Variants in ARSF observed in about 807,000 individuals in gnomAD.
ARSF encodes arylsulfatase F.
A neutral mutation model predicts 35.4 loss-of-function variants in ARSF; 33 were observed. That is an observed-to-expected ratio of 0.93 (90% CI 0.71 to 1.25). ARSF has a LOEUF of 1.25. Among genes scored for constraint, ARSF ranks in the 50% most tolerant of loss-of-function variants. The pLI is 0.00. For synonymous variants in ARSF, 222 were observed against 193.1 expected (o/e 1.15, Z -1.24); for missense variants, 501 against 480.2 (o/e 1.04, Z -0.40).
At chrX:3,066,094 A>G (rs968440523) in intron 1 of ARSF, among the ~76,000 whole-genome samples, 3 of 111,517 alleles carry the variant, frequency 2.7e-5, no homozygotes, top group East Asian at 5.6e-4. Context: ...AGTCTCATAA[A>G]CAAAACAAAA....
rs377258737 is a variant in ARSF, at chrX:3,076,541, C to G, written c.162-7C>G. The G allele has an allele frequency of 1.1e-4, 126 of 1,195,600 alleles. No individual in the cohort carries two copies. The highest frequency in any genetic ancestry group is 1.3e-4 in the Non-Finnish European group (115 of 888,683). On this transcript the variant is annotated splice_polypyrimidine_tract_variant and splice_region_variant and intron_variant, in intron 3 of 10. Coordinates refer to ENST00000381127, the MANE Select transcript of ARSF (RefSeq NM_001201539.2). ...CTCTCCAATACACCTTCCCTCTCCC[C>G]CTTCAGGACGCCTCACATCGACCGC...
rs140827850 is a variant in ARSF, at chrX:3,054,796, C to A, written c.-29+13133C>A. Among the ~76,000 whole-genome samples the A allele has an allele frequency of 1.0e-2, 1,068 of 107,004 alleles. 18 individuals are homozygous for A. Among genetic ancestry groups the A allele is most frequent in the African/African-American group, 0.034 (1,003 of 29,364 alleles). The allele number at this position is 107,004 out of a possible 115,157, so 92.9% of individuals were successfully genotyped here. On this transcript the variant is annotated intron_variant, in intron 1 of 10. Coordinates refer to ENST00000381127, the MANE Select transcript of ARSF (RefSeq NM_001201539.2). ...TTGCCCAGGCTGGAGTGCAACGGCA[C>A]GATCTCGGCTCACTGCAATCTCCGC...
Position 3,059,971 on chromosome X carries a change from G to A in ARSF, c.-28-8102G>A, listed in dbSNP as rs150183467. Among the ~76,000 whole-genome samples, 183 of 112,375 alleles carry A rather than the reference G, an allele frequency of 1.6e-3. No homozygotes were observed. In the East Asian group the frequency reaches 0.034, roughly 21 times the overall value. ...GCATGGTGTTTGAGGTCTTAGAATG[G>A]ACAGACTGCCTCCTCAAGTGGGTCC... On this transcript the variant is annotated intron_variant, in intron 1 of 10. Transcript: ENST00000381127.
At chrX:3,080,761 C>T in intron 4 of ARSF, 130 bp from the exon 5 acceptor site, 5 of 800,876 alleles carry the variant, frequency 6.2e-6, no homozygotes, top group Non-Finnish European at 8.8e-6. Context: ...GACCTCATCC[C>T]CTCCTAAAAG....
intron 3 of ARSF, among the ~76,000 whole-genome samples, chrX:3,073,763 T>A (rs1276854141): frequency 4.0e-5 from 4 of 99,614 alleles, no homozygotes; most frequent in Non-Finnish European, 6.2e-5. Context: ...ATATATTCAA[T>A]TATATATATT....
At chrX:3,089,669 G>A in intron 7 of ARSF, 37 bp downstream of exon 7, 2 of 1,202,044 alleles carry the variant, frequency 1.7e-6, no homozygotes, top group South Asian at 3.5e-5. Flanking sequence ...AAACTAACGT[G>A]TTCTGATAGG....
chrX:3,080,811 A>G, intron 4 of ARSF, 80 bp from the exon 5 acceptor site: 1 of 1,133,689 alleles, frequency 8.8e-7, no homozygotes, highest in Non-Finnish European at 1.2e-6. Flanking sequence ...GAGGATTTCA[A>G]TGTGCAAATT....
intron 6 of ARSF, among the ~76,000 whole-genome samples, chrX:3,086,833 T>A (rs1352506107): frequency 1.8e-5 from 2 of 110,932 alleles, no homozygotes; most frequent in African/African-American, 6.5e-5. Flanking sequence ...ATAAAAAAAA[T>A]TACCACAAAT....
chrX:3,081,155 G>A (rs1459838834), intron 5 of ARSF, 142 bp downstream of exon 5: 2 of 859,656 alleles, frequency 2.3e-6, no homozygotes, highest in Non-Finnish European at 3.1e-6. Context: ...TACAATCCCA[G>A]TACTTTGGGA....
chrX:3,060,143 C>T (rs2090035781), intron 1 of ARSF, among the ~76,000 whole-genome samples: 1 of 112,309 alleles, frequency 8.9e-6, no homozygotes, highest in Non-Finnish European at 1.9e-5. Context: ...TGTTCTGCAG[C>T]CTCCACTGGT....
At chrX:3,076,077 A>G (rs1835635426) in intron 3 of ARSF, among the ~76,000 whole-genome samples, 1 of 95,275 alleles carries the variant, frequency 1.0e-5, no homozygotes, top group Non-Finnish European at 2.1e-5. Flanking sequence ...TAATCTCTGC[A>G]TGTCTCTTTC....
At chrX:3,094,162 A>G (rs1053828859) in intron 7 of ARSF, among the ~76,000 whole-genome samples, 10 of 111,849 alleles carry the variant, frequency 8.9e-5, no homozygotes, top group South Asian at 7.5e-4. Flanking sequence ...GACGAGTATC[A>G]TCTTCATCAT....
chrX:3,054,790 A>G (rs1332098103), intron 1 of ARSF, among the ~76,000 whole-genome samples: 2 of 107,095 alleles, frequency 1.9e-5, no homozygotes, highest in African/African-American at 6.8e-5. Flanking sequence ...CTGGAGTGCA[A>G]CGGCACGATC....
chrX:3,077,312 G>GTCACC (rs2090159982), intron 4 of ARSF, among the ~76,000 whole-genome samples: 1 of 112,084 alleles, frequency 8.9e-6, no homozygotes, highest in Non-Finnish European at 1.9e-5. Flanking sequence ...CATTCAGTCT[G>GTCACC]TCACCAAAAA....
intron 3 of ARSF, among the ~76,000 whole-genome samples, chrX:3,073,532 TA>T (rs2090122112): frequency 1.1e-4 from 10 of 89,851 alleles, no homozygotes; most frequent in African/African-American, 4.9e-4. Flanking sequence ...TACTATATAT[TA>T]ATAAATAAAT....
rs1309559780 is a variant in ARSF at position 3,068,226 on chromosome X, T to C, written c.11+115T>C. On this transcript the variant is annotated intron_variant, in intron 2 of 10. Transcript: ENST00000381127. ...TTTAATATCATCTGCCTTTTTTTCT[T>C]TTTTCTTTTTCTTTTCTTGTAACCT... 2.1e-5 allele frequency: 14 copies of C among 654,888 alleles called. No homozygotes were observed. In the Admixed American group the frequency reaches 5.4e-4, roughly 25 times the overall value. The allele number at this position is 654,888 out of a possible 1,213,427, so 54.0% of individuals were successfully genotyped here. A position where few individuals can be genotyped will look rare whatever the true frequency, so the allele number is the denominator to read the frequency against.
In ARSF at chrX:3,086,020, TA is replaced by T. The variant is rs149215105; in HGVS notation, c.830+1365del. Among the ~76,000 whole-genome samples the T allele has an allele frequency of 1.8e-3, 188 of 105,741 alleles. 1 individual carries two copies. Among genetic ancestry groups the T allele is most frequent in the East Asian group, 0.011 (38 of 3,403 alleles). 91.8% of individuals were successfully genotyped at this position (105,741 alleles called of 115,157 possible). ...TGAGCAACAGAGGGAGACTCTGTCT[TA>T]AAAAAAAAAATGTTGTCTGGGAGTA... is the stretch of plus-strand genomic sequence containing the variant. On this transcript the variant is annotated intron_variant, in intron 6 of 10. Coordinates refer to ENST00000381127, the MANE Select transcript of ARSF (RefSeq NM_001201539.2).
chrX:3,080,001 GAGAA>G lies in ARSF; in HGVS notation c.284-888_284-885del, dbSNP rs1284608489. 9.7e-4 allele frequency among the ~76,000 whole-genome samples: 87 copies of G among 89,608 alleles called. 1 individual carries two copies. The highest frequency in any genetic ancestry group is 1.3e-3 in the Non-Finnish European group (59 of 45,027). 77.8% of individuals were successfully genotyped at this position (89,608 alleles called of 115,157 possible). ...AAAAAAAAAAAAAAAAAGAGAGAGA[GAGAA>G]AAAAAAAAAAGAAAAAAAAATGGTG... On this transcript the variant is annotated intron_variant, in intron 4 of 10. Coordinates refer to ENST00000381127, the MANE Select transcript of ARSF (RefSeq NM_001201539.2).
At chrX:3,075,703 C>T (rs2090141523) in intron 3 of ARSF, among the ~76,000 whole-genome samples, 1 of 105,403 alleles carries the variant, frequency 9.5e-6, no homozygotes, top group African/African-American at 3.5e-5. Flanking sequence ...TCTCTGTCTT[C>T]CCCCTTTCTC....
Sources: gnomAD v4.1 joint callset for allele counts (sites outside exome capture counted in the v4.1 genomes callset) on GRCh38, gnomAD v4.1.1 for gene constraint, MANE v1.5 for transcripts, NCBI Gene and HGNC (gene_info 2026-07-23, HGNC 2026-07-21) for gene names.